Variants in SINHCAF observed in about 807,000 individuals in gnomAD.
The protein encoded by SINHCAF is SIN3-HDAC complex associated factor, also known as SIN3-HDAC complex-associated factor.
SINHCAF carries 3 observed loss-of-function variants against 25.8 expected under a neutral mutation model. The observed-to-expected ratio is 0.12, with a 90% CI of 0.05 to 0.30. SINHCAF has a LOEUF of 0.30. Ranked by LOEUF, SINHCAF falls within the 10% of genes least tolerant of loss-of-function variation. SINHCAF has a pLI of 1.00. For synonymous variants in SINHCAF, 70 were observed against 85.5 expected (o/e 0.82, Z 1.00); for missense variants, 121 against 262.3 (o/e 0.46, Z 3.72).
intron 1 of SINHCAF, among the ~76,000 whole-genome samples, chr12:31,312,900 G>A (rs918092868): frequency 2.0e-5 from 3 of 152,136 alleles, no homozygotes; most frequent in African/African-American, 7.2e-5. Context: ...TTCAAATTTA[G>A]ATTTTAATTG....
rs1299513495 is a variant in SINHCAF at position 31,326,081 on chromosome 12, A to C, written c.-78T>G. ...GTCCCCGAGGTGCGGAGTGCACGCC[A>C]GGCCAGTCCCCCTCAAGCGCTCCCT... On this transcript the variant is annotated 5_prime_UTR_variant, in exon 1 of 6. Transcript: ENST00000337682. 2.0e-5 allele frequency: 3 copies of C among 152,288 alleles called. No individual in the cohort carries two copies. Among genetic ancestry groups the C allele is most frequent in the Non-Finnish European group, 4.4e-5 (3 of 68,124 alleles). 9.4% of individuals were successfully genotyped at this position (152,288 alleles called of 1,614,324 possible).
intron 1 of SINHCAF, among the ~76,000 whole-genome samples, chr12:31,314,702 T>C (rs1592987648): frequency 6.6e-6 from 1 of 152,306 alleles, no homozygotes; most frequent in South Asian, 2.1e-4. Context: ...CTACCCACTT[T>C]TGCTACTTTC....
chr12:31,285,422 C>CAT (rs1386139778), intron 5 of SINHCAF, among the ~76,000 whole-genome samples: 1 of 144,636 alleles, frequency 6.9e-6, no homozygotes, highest in Non-Finnish European at 1.5e-5. Flanking sequence ...TATACATACA[C>CAT]ACACACACAC....
At chr12:31,308,231 C>T (rs1350546835) in intron 1 of SINHCAF, among the ~76,000 whole-genome samples, 4 of 152,158 alleles carry the variant, frequency 2.6e-5, no homozygotes, top group South Asian at 2.1e-4. Flanking sequence ...TGAACCACCG[C>T]GCCTGGCCTA....
At chr12:31,299,821 C>A (rs1295619196) in intron 1 of SINHCAF, among the ~76,000 whole-genome samples, 1 of 152,158 alleles carries the variant, frequency 6.6e-6, no homozygotes. Context: ...CTCACATAAA[C>A]CAAGATGGCA....
In SINHCAF at chr12:31,281,958, T is replaced by C. The variant is rs1334757471; in HGVS notation, c.*754A>G. ...TAATCAGTAGTACAGGTGTGAATCA[T>C]CAGAAGCTTGGCAAGACCTTAATAT... On this transcript the variant is annotated 3_prime_UTR_variant, in exon 6 of 6. Coordinates refer to ENST00000337682, the MANE Select transcript of SINHCAF (RefSeq NM_001135812.2). 6.6e-6 allele frequency: 1 copy of C among 152,418 alleles called. No homozygotes were observed. Among genetic ancestry groups the C allele is most frequent in the Non-Finnish European group, 1.5e-5 (1 of 68,018 alleles). The allele number at this position is 152,418 out of a possible 1,614,324, so 9.4% of individuals were successfully genotyped here. A position where few individuals can be genotyped will look rare whatever the true frequency, so the allele number is the denominator to read the frequency against.
At position 31,282,797 on chromosome 12, in the gene SINHCAF, G is replaced by A; in HGVS notation, c.581C>T (p.Pro194Leu). The change falls in exon 6 of 6, where the codon CCT becomes CTT. Residue 194 changes from proline to leucine, a missense_variant. By Grantham distance (98) the Pro-to-Leu change is moderately conservative. Transcript: ENST00000337682. ...AGCTGCTTTCTTATTGCTGCAGCAA[G>A]GCTTGAAGAGATGTGTGTCAATGAG... ...EVLIDTHLFK[P>L]CCSNKKAAAE... 8 of 1,613,348 alleles carry A rather than the reference G, an allele frequency of 5.0e-6. No individual in the cohort carries two copies. The highest frequency in any genetic ancestry group is 6.8e-6 in the Non-Finnish European group (8 of 1,179,626).
At chr12:31,306,346 A>G (rs1939025088) in intron 1 of SINHCAF, among the ~76,000 whole-genome samples, 1 of 152,178 alleles carries the variant, frequency 6.6e-6, no homozygotes, top group African/African-American at 2.4e-5. Flanking sequence ...TGCCATGATG[A>G]CAGTCTCCAA....
intron 1 of SINHCAF, among the ~76,000 whole-genome samples, chr12:31,313,263 G>A (rs1398428517): frequency 6.6e-6 from 1 of 152,064 alleles, no homozygotes; most frequent in Non-Finnish European, 1.5e-5. Context: ...CTGACCTCAG[G>A]TGATCCACCT....
At chr12:31,282,971 G>C in intron 5 of SINHCAF, 100 bp from the exon 6 acceptor site, 1 of 863,068 alleles carries the variant, frequency 1.2e-6, no homozygotes. Flanking sequence ...TATAACCAAA[G>C]AGTTGTGCTT....
chr12:31,302,430 T>A (rs1938838674), intron 1 of SINHCAF, among the ~76,000 whole-genome samples: 1 of 150,742 alleles, frequency 6.6e-6, no homozygotes, highest in Non-Finnish European at 1.5e-5. Context: ...AGGAATTCAC[T>A]TGTCTTTATC....
rs143443586 is a variant in SINHCAF at position 31,284,008 on chromosome 12, T to C, written c.507-1137A>G. Among the ~76,000 whole-genome samples the C allele has an allele frequency of 1.9e-3, 282 of 152,272 alleles. 1 individual carries two copies. The highest frequency in any genetic ancestry group is 0.018 in the East Asian group (94 of 5,184). On this transcript the variant is annotated intron_variant, in intron 5 of 5. Coordinates refer to ENST00000337682, the MANE Select transcript of SINHCAF (RefSeq NM_001135812.2). ...TCTACCCTGTGAATATATAACACAG[T>C]TTTATTTATCTACTCTTATTTTAAT...
In SINHCAF at chr12:31,313,014, T is replaced by C. The variant is rs144643274; in HGVS notation, c.-21+13010A>G. ...ATGTAGATCACCCAGCACCATTTAA[T>C]GAAAAGATCACTCTTTTCTTTTTTT... On this transcript the variant is annotated intron_variant, in intron 1 of 5. Coordinates refer to ENST00000337682, the MANE Select transcript of SINHCAF (RefSeq NM_001135812.2). Among the ~76,000 whole-genome samples the C allele has an allele frequency of 2.2e-3, 332 of 152,282 alleles. 1 individual carries two copies. Among genetic ancestry groups the C allele is most frequent in the African/African-American group, 7.5e-3 (313 of 41,566 alleles).
At chr12:31,299,375 G>A (rs1938688964) in intron 1 of SINHCAF, among the ~76,000 whole-genome samples, 1 of 151,718 alleles carries the variant, frequency 6.6e-6, no homozygotes, top group African/African-American at 2.4e-5. Flanking sequence ...GGAGTGCGGT[G>A]GCGCGATCTA....
Position 31,294,034 on chromosome 12 carries a change from A to G in SINHCAF, c.229-103T>C, listed in dbSNP as rs537365004. Reference sequence around the variant, plus strand: ...TTTGAGAACCACAGTTTTATACTGAAAAGAGGATGAAGCTCCATGTGCACC... The same window carrying G: ...TTTGAGAACCACAGTTTTATACTGAGAAGAGGATGAAGCTCCATGTGCACC... On this transcript the variant is annotated intron_variant, in intron 3 of 5. Transcript: ENST00000337682. 1.8e-4 allele frequency: 148 copies of G among 803,844 alleles called. No individual in the cohort carries two copies. In the African/African-American group the frequency reaches 2.3e-3, roughly 12 times the overall value. 49.8% of individuals were successfully genotyped at this position (803,844 alleles called of 1,614,324 possible).
Position 31,325,099 on chromosome 12 carries a change from G to A in SINHCAF, c.-21+925C>T, listed in dbSNP as rs1050648358. The A allele has an allele frequency of 6.6e-6, 3 of 456,626 alleles. No individual in the cohort carries two copies. Among genetic ancestry groups the A allele is most frequent in the Non-Finnish European group, 1.3e-5 (3 of 226,956 alleles). The allele number at this position is 456,626 out of a possible 1,614,324, so 28.3% of individuals were successfully genotyped here. ...TGCGGAGTTCACTGACTCCCGCGGC[G>A]TACACAACGCCGCCGCCTCCATCTC... is the stretch of plus-strand genomic sequence containing the variant. On this transcript the variant is annotated intron_variant, in intron 1 of 5. Coordinates refer to ENST00000337682, the MANE Select transcript of SINHCAF (RefSeq NM_001135812.2). This position sits in a 1 kb window ranked among gnomAD's most constrained non-coding sequence, Gnocchi z 5.9.
intron 1 of SINHCAF, among the ~76,000 whole-genome samples, chr12:31,309,751 C>T (rs1334674117): frequency 6.7e-6 from 1 of 149,450 alleles, no homozygotes; most frequent in East Asian, 2.0e-4. Flanking sequence ...CCGCAACCTC[C>T]GCCTCCCAGG....
intron 1 of SINHCAF, among the ~76,000 whole-genome samples, chr12:31,306,022 A>G (rs759233503): frequency 1.8e-4 from 28 of 152,124 alleles, no homozygotes; most frequent in Non-Finnish European, 3.8e-4. Flanking sequence ...ATGCTCAATG[A>G]CCTGGGCAGT....
chr12:31,323,463 TAAG>T (rs1565508532), intron 1 of SINHCAF, among the ~76,000 whole-genome samples: 1 of 151,998 alleles, frequency 6.6e-6, no homozygotes, highest in Non-Finnish European at 1.5e-5. Context: ...TAGGACAACT[TAAG>T]AAGGGGGAGA....
Sources: allele counts gnomAD v4.1 joint callset (sites outside exome capture counted in the v4.1 genomes callset), GRCh38; gene constraint gnomAD v4.1.1; non-coding constraint Gnocchi (gnomAD v3.1); transcripts MANE v1.5; gene names NCBI Gene and HGNC (gene_info 2026-07-23, HGNC 2026-07-21).